PDE10A: variants seen among roughly 807,000 people sequenced by gnomAD.
PDE10A encodes cAMP and cAMP-inhibited cGMP 3',5'-cyclic phosphodiesterase 10A.
Under a neutral mutation model 97.7 loss-of-function variants are expected in PDE10A, and 39 were observed. The ratio of observed to expected loss-of-function variants is 0.40; its 90% CI spans 0.31 to 0.52. The LOEUF is 0.52. Among genes scored for constraint, PDE10A ranks in the 20% least tolerant of loss-of-function variants. The pLI, the probability that PDE10A is intolerant of heterozygous loss-of-function variation, is 0.56. For synonymous variants in PDE10A, 371 were observed against 376.8 expected, an observed-to-expected ratio of 0.98 and a Z score of 0.18; for missense variants, 731 against 1,047.8, an observed-to-expected ratio of 0.70 and a Z score of 4.17.
At chr6:165,608,044 C>T (rs1027635114) in intron 1 of PDE10A, among the ~76,000 whole-genome samples, 1 of 148,874 alleles carries the variant, frequency 6.7e-6, no homozygotes, top group Non-Finnish European at 1.5e-5. Flanking sequence ...GCAAGTATTG[C>T]TTTTCTTGTA....
intron 1 of PDE10A, among the ~76,000 whole-genome samples, chr6:165,621,019 CA>C (rs554929440): frequency 0.072 from 7,683 of 107,222 alleles, 243 homozygotes; most frequent in Non-Finnish European, 0.1. Flanking sequence ...GACTCTGTCT[CA>C]AAAAAAAAAA....
chr6:165,653,171 G>A (rs1354079358), intron 1 of PDE10A, among the ~76,000 whole-genome samples: 1 of 152,096 alleles, frequency 6.6e-6, no homozygotes, highest in Non-Finnish European at 1.5e-5. Context: ...TTTAAAGGAC[G>A]ATTTCAGTCA....
At chr6:165,413,398 A>G (rs949350644) in intron 13 of PDE10A, 103 bp downstream of exon 13, 2 of 674,300 alleles carry the variant, frequency 3.0e-6, no homozygotes, top group Admixed American at 6.4e-5. Context: ...TGGTTTGTAA[A>G]GGAAATATAA....
At chr6:165,658,015 T>C (rs1790051928) in intron 1 of PDE10A, among the ~76,000 whole-genome samples, 1 of 152,198 alleles carries the variant, frequency 6.6e-6, no homozygotes, top group African/African-American at 2.4e-5. Context: ...ACTCAGTAGA[T>C]ACTCAACAAG....
intron 1 of PDE10A, among the ~76,000 whole-genome samples, chr6:165,964,835 C>T (rs546073045): frequency 2.0e-4 from 30 of 152,222 alleles, no homozygotes; most frequent in East Asian, 7.7e-4. Context: ...GCTATAAAGA[C>T]GGGAGTGAGA....
intron 3 of PDE10A, among the ~76,000 whole-genome samples, chr6:165,465,992 G>A (rs1402716303): frequency 6.6e-6 from 1 of 152,164 alleles, no homozygotes; most frequent in East Asian, 1.9e-4. Context: ...CAGGGCATGA[G>A]GACAGAACGA....
At chr6:165,506,852 A>G (rs1781223771) in intron 2 of PDE10A, among the ~76,000 whole-genome samples, 2 of 152,130 alleles carry the variant, frequency 1.3e-5, no homozygotes, top group Admixed American at 1.3e-4. Flanking sequence ...CTGCCATAAC[A>G]ATCAAAGACT....
chr6:165,789,549 A>T (rs551917071), intron 1 of PDE10A, among the ~76,000 whole-genome samples: 2 of 152,338 alleles, frequency 1.3e-5, no homozygotes, highest in East Asian at 3.9e-4. Context: ...TTTAATCAAG[A>T]TATATTACTT....
chr6:165,943,384 T>G (rs1001981458), intron 1 of PDE10A, among the ~76,000 whole-genome samples: 2 of 108,058 alleles, frequency 1.9e-5, no homozygotes, highest in African/African-American at 4.0e-5. Flanking sequence ...ACGAACGAAC[T>G]GAGTATACAG....
intron 1 of PDE10A, chr6:165,986,567 G>GTC (rs1413771216): frequency 6.7e-6 from 1 of 148,436 alleles, no homozygotes; most frequent in African/African-American, 2.6e-5. Context: ...CCCTCTCTCA[G>GTC]TCTCTCTCTC....
At chr6:165,682,642 G>T (rs1283796893) in intron 1 of PDE10A, among the ~76,000 whole-genome samples, 1 of 152,000 alleles carries the variant, frequency 6.6e-6, no homozygotes, top group Non-Finnish European at 1.5e-5. Context: ...GCCTTCACCA[G>T]GCACCAAATC....
intron 1 of PDE10A, among the ~76,000 whole-genome samples, chr6:165,656,236 ACTCTCT>A (rs750085509): frequency 7.9e-6 from 1 of 125,926 alleles, no homozygotes; most frequent in Non-Finnish European, 1.6e-5. Flanking sequence ...TCCAACCCCA[ACTCTCT>A]CTCTCTCTCT....
At chr6:165,914,906 G>A (rs1013264432) in intron 1 of PDE10A, among the ~76,000 whole-genome samples, 1 of 152,190 alleles carries the variant, frequency 6.6e-6, no homozygotes, top group African/African-American at 2.4e-5. Flanking sequence ...CAACTGGTCT[G>A]TTTGAATGGC....
chr6:165,922,116 GCAGT>G (rs1430296249), intron 1 of PDE10A, among the ~76,000 whole-genome samples: 1 of 152,202 alleles, frequency 6.6e-6, no homozygotes, highest in Non-Finnish European at 1.5e-5. Context: ...GTGAGAGAAA[GCAGT>G]CAAAGACAAC....
At chr6:165,479,336 C>A (rs903060113) in intron 3 of PDE10A, among the ~76,000 whole-genome samples, 6 of 152,126 alleles carry the variant, frequency 3.9e-5, no homozygotes, top group African/African-American at 1.4e-4. Flanking sequence ...CTAAATACCC[C>A]CAATTCCATT....
intron 5 of PDE10A, among the ~76,000 whole-genome samples, chr6:165,442,364 G>A (rs1469347800): frequency 6.6e-6 from 1 of 152,066 alleles, no homozygotes; most frequent in African/African-American, 2.4e-5. Flanking sequence ...TCATTGTTCA[G>A]TTCCCACCTA....
intron 1 of PDE10A, among the ~76,000 whole-genome samples, chr6:165,719,796 A>G (rs753021172): frequency 6.6e-6 from 1 of 152,262 alleles, no homozygotes; most frequent in Non-Finnish European, 1.5e-5. Flanking sequence ...TAACTAAAAA[A>G]CTAAGCACAT....
At position 165,388,355 on chromosome 6, in the gene PDE10A, G is replaced by C. The variant is rs755320007; in HGVS notation, c.2553C>G (p.Leu851=). ...LQKFDHPLAA[L]YSTSTMEQHH... is the part of the protein sequence containing the mutation. The stretch of plus-strand genomic sequence containing the variant: ...GCTGCTCCATGGTGGAAGTGGAGTA[G>C]AGAGCGGCCAGAGGGTGGTCGAACT... Residue 851 remains leucine (L), a synonymous_variant, in exon 17 of 22, where the codon CTC becomes CTG. Transcript: ENST00000539869. The surrounding 1 kb of genome is among the most constrained non-coding windows in gnomAD (Gnocchi z 4.0). 5 of 1,614,150 alleles carry C rather than the reference G, an allele frequency of 3.1e-6. No individual in the cohort carries two copies. The highest frequency in any genetic ancestry group is 4.2e-6 in the Non-Finnish European group (5 of 1,179,994).
chr6:165,599,620 A>C (rs1397775587), intron 1 of PDE10A, among the ~76,000 whole-genome samples: 2 of 152,232 alleles, frequency 1.3e-5, no homozygotes, highest in Non-Finnish European at 2.9e-5. Flanking sequence ...AGGGTCTTTA[A>C]ACAGGCTTAA....
Sources: allele counts gnomAD v4.1 joint callset (sites outside exome capture counted in the v4.1 genomes callset), GRCh38; gene constraint gnomAD v4.1.1; non-coding constraint Gnocchi (gnomAD v3.1); transcripts MANE v1.5; gene names NCBI Gene and HGNC (gene_info 2026-07-23, HGNC 2026-07-21).